Variants in TJP1 observed in about 807,000 individuals in gnomAD.
TJP1 encodes tight junction protein 1, also known as tight junction protein ZO-1.
In TJP1, 43 loss-of-function variants were observed where a neutral mutation model predicts 194.2. The observed-to-expected ratio is 0.22, with a 90% confidence interval of 0.17 to 0.29. TJP1 has a LOEUF of 0.29. TJP1 is among the 10% of genes least tolerant of loss of function. The pLI, the probability that TJP1 is intolerant of heterozygous loss-of-function variation, is 1.00. For missense variants in TJP1, 1,971 were observed against 2,185.7 expected (o/e 0.90, Z 1.96); for synonymous variants, 801 against 779.0 (o/e 1.03, Z -0.47).
At chr15:29,944,950 G>C (rs1190721641) in intron 2 of TJP1, among the ~76,000 whole-genome samples, 2 of 152,140 alleles carry the variant, frequency 1.3e-5, no homozygotes, top group South Asian at 2.1e-4. Flanking sequence ...AACTGTATGA[G>C]GTTTGACTAT....
At chr15:29,900,543 T>A (rs60076290) in intron 2 of TJP1, among the ~76,000 whole-genome samples, 2,750 of 152,238 alleles carry the variant, frequency 0.018, 89 homozygotes, top group African/African-American at 0.063. Flanking sequence ...GTGCAGCCTC[T>A]GCAGAGTTTG....
At position 29,741,424 on chromosome 15, in the gene TJP1, A is replaced by C. The variant is rs748263338; in HGVS notation, c.1163T>G (p.Val388Gly). The C allele has an allele frequency of 1.2e-6, 2 of 1,608,386 alleles. No individual in the cohort carries two copies. Among genetic ancestry groups the C allele is most frequent in the South Asian group, 1.1e-5 (1 of 89,634 alleles). The stretch of plus-strand genomic sequence containing the variant: ...ATCTGGTTGCCCAACTTGGGCATAC[A>C]CAGGCTTTGGTTCTAAGAAAAAAAA... Reference protein sequence around the residue: ...QTPSLPEPKPVYAQVGQPDVD... With the variant: ...QTPSLPEPKPGYAQVGQPDVD... The change falls in exon 10 of 28, where the codon GTG becomes GGG. Residue 388 changes from valine to glycine, a missense_variant. By Grantham distance (109) the Val-to-Gly change is moderately radical (BLOSUM62 -3). Coordinates refer to ENST00000614355, the MANE Select transcript of TJP1 (RefSeq NM_001330239.4).
chr15:29,898,421 T>C (rs551814163), intron 2 of TJP1, among the ~76,000 whole-genome samples: 4 of 152,304 alleles, frequency 2.6e-5, no homozygotes, highest in South Asian at 4.1e-4. Context: ...AGCGTGAAAA[T>C]GAACGAATAC....
intron 2 of TJP1, among the ~76,000 whole-genome samples, chr15:29,858,700 G>A (rs149190513): frequency 6.6e-5 from 10 of 151,460 alleles, no homozygotes; most frequent in East Asian, 2.0e-4. Flanking sequence ...ACACTCCACC[G>A]TGCCCAGCTA....
intron 2 of TJP1, among the ~76,000 whole-genome samples, chr15:29,861,866 TTTTTC>T (rs2052094328): frequency 1.3e-5 from 2 of 152,312 alleles, no homozygotes; most frequent in Middle Eastern, 3.4e-3. Context: ...GTACCTATTT[TTTTTC>T]TTTTGTCACT....
intron 22 of TJP1, among the ~76,000 whole-genome samples, chr15:29,717,348 A>G (rs1382533773): frequency 6.6e-6 from 1 of 152,262 alleles, no homozygotes; most frequent in Non-Finnish European, 1.5e-5. Flanking sequence ...GTAAATTCAT[A>G]TTAGACAGTT....
chr15:29,932,204 C>G (rs993666042), intron 2 of TJP1, among the ~76,000 whole-genome samples: 1 of 152,186 alleles, frequency 6.6e-6, no homozygotes, highest in African/African-American at 2.4e-5. Flanking sequence ...TGGAGTTGCT[C>G]TGGTTCACAC....
At chr15:29,837,147 G>A (rs1032845171) in intron 2 of TJP1, among the ~76,000 whole-genome samples, 1 of 152,150 alleles carries the variant, frequency 6.6e-6, no homozygotes, top group African/African-American at 2.4e-5. Flanking sequence ...TAACATAAAT[G>A]TTATTATTTA....
At chr15:29,880,820 C>T (rs2052900372) in intron 2 of TJP1, among the ~76,000 whole-genome samples, 1 of 152,196 alleles carries the variant, frequency 6.6e-6, no homozygotes, top group Admixed American at 6.5e-5. Context: ...GTATATATCA[C>T]ATTTTCTTTA....
At chr15:29,790,702 G>A (rs984651241) in intron 2 of TJP1, among the ~76,000 whole-genome samples, 4 of 150,518 alleles carry the variant, frequency 2.7e-5, no homozygotes, top group Admixed American at 6.6e-5. Flanking sequence ...CACCCTTCCC[G>A]GTCTCTGGTA....
intron 1 of TJP1, among the ~76,000 whole-genome samples, chr15:29,963,197 AG>A (rs1462193032): frequency 2.0e-5 from 2 of 98,206 alleles, no homozygotes; most frequent in African/African-American, 3.1e-5. Flanking sequence ...ACGTCCCAAC[AG>A]GAGGACCTCA....
intron 2 of TJP1, among the ~76,000 whole-genome samples, chr15:29,881,502 GTTTAAA>G (rs2052928823): frequency 6.6e-6 from 1 of 152,158 alleles, no homozygotes; most frequent in Admixed American, 6.5e-5. Context: ...TATTACCTGA[GTTTAAA>G]TTCTGCCAGT....
At position 29,704,218 on chromosome 15, in the gene TJP1, G is replaced by A. The variant is rs756391449; in HGVS notation, c.5156C>T (p.Ala1719Val). The A allele has an allele frequency of 6.9e-6, 11 of 1,589,564 alleles. No homozygotes were observed. The highest frequency in any genetic ancestry group is 5.8e-5 in the South Asian group (5 of 86,708). ...KPVELRLPHCASMTPDGWSFA... is the reference protein window; with the variant it reads ...KPVELRLPHCVSMTPDGWSFA... ...AGACCAACCGTCAGGAGTCATGGAC[G>A]CACAGTGTGGTAAGCGCAGCTCCAC... Residue 1719 changes from alanine to valine, a missense_variant, in exon 27 of 28, where the codon GCG (alanine) becomes GTG (valine). By Grantham distance (64) the Ala-to-Val change is moderately conservative (BLOSUM62 0). Coordinates refer to ENST00000614355, the MANE Select transcript of TJP1 (RefSeq NM_001330239.4).
At chr15:29,749,589 G>A (rs1480413941) in intron 8 of TJP1, among the ~76,000 whole-genome samples, 1 of 152,160 alleles carries the variant, frequency 6.6e-6, no homozygotes, top group African/African-American at 2.4e-5. Context: ...CCAGCAGCCT[G>A]CTCCAGAGAC....
intron 2 of TJP1, among the ~76,000 whole-genome samples, chr15:29,891,161 A>AT (rs1441844461): frequency 1.3e-5 from 2 of 152,128 alleles, no homozygotes; most frequent in African/African-American, 4.8e-5. Context: ...GCAGTCCCTT[A>AT]TGAATGGATG....
At chr15:29,888,813 C>T (rs1032003334) in intron 2 of TJP1, among the ~76,000 whole-genome samples, 6 of 152,254 alleles carry the variant, frequency 3.9e-5, no homozygotes, top group African/African-American at 7.2e-5. Flanking sequence ...AGTGTGTAGC[C>T]GCACACACTG....
rs1312375493 is a variant in TJP1, at chr15:29,726,980, A to T, written c.2112T>A (p.Ala704=). The T allele has an allele frequency of 1.9e-6, 3 of 1,613,744 alleles. No individual in the cohort carries two copies. Among genetic ancestry groups the T allele is most frequent in the Non-Finnish European group, 2.5e-6 (3 of 1,179,882 alleles). ...CTGCATTTGGTGTTACATCTAATAAAGCATGTTTGTCCTAGAAACAGAAAG... is the reference window on the plus strand; with the variant it reads ...CTGCATTTGGTGTTACATCTAATAATGCATGTTTGTCCTAGAAACAGAAAG... ...IKQIIDQDKH[A]LLDVTPNAVD... Residue 704 remains alanine, a synonymous_variant, in exon 17 of 28, where the codon GCT becomes GCA. Transcript: ENST00000614355.
chr15:29,741,721 C>T (rs2151342610), intron 9 of TJP1, among the ~76,000 whole-genome samples: 1 of 152,328 alleles, frequency 6.6e-6, no homozygotes, highest in East Asian at 1.9e-4. Flanking sequence ...AATTCCTACA[C>T]TTCCCAGTTA....
intron 2 of TJP1, among the ~76,000 whole-genome samples, chr15:29,907,027 G>C (rs2053837990): frequency 6.6e-6 from 1 of 152,154 alleles, no homozygotes; most frequent in Non-Finnish European, 1.5e-5. Context: ...AACAATTGGT[G>C]AATCTGGATG....
Sources: allele counts gnomAD v4.1 joint callset (sites outside exome capture counted in the v4.1 genomes callset), GRCh38; gene constraint gnomAD v4.1.1; transcripts MANE v1.5; gene names NCBI Gene and HGNC (gene_info 2026-07-23, HGNC 2026-07-21).